The following ANK2 variants were observed in gnomAD, a reference collection of about 807,000 sequenced individuals.
The protein encoded by ANK2 is ankyrin-2.
In ANK2, 83 loss-of-function variants were observed where a neutral mutation model predicts 360.5. The observed-to-expected ratio is 0.23, with a 90% CI of 0.19 to 0.28. The LOEUF (loss-of-function observed/expected upper bound fraction) is 0.28, where lower values mean the gene tolerates loss of function less well. Ranked by LOEUF, ANK2 falls within the 10% of genes least tolerant of loss-of-function variation. The pLI, the probability that ANK2 is intolerant of heterozygous loss-of-function variation, is 1.00. For missense variants in ANK2, 4,201 were observed against 4,795.7 expected, an observed-to-expected ratio of 0.88 and a Z score of 3.66; for synonymous variants, 1,740 against 1,759.5, an observed-to-expected ratio of 0.99 and a Z score of 0.28.
intron 1 of ANK2, among the ~76,000 whole-genome samples, chr4:113,068,508 C>T (rs1233641414): frequency 1.3e-5 from 2 of 152,016 alleles, no homozygotes; most frequent in Non-Finnish European, 2.9e-5. Flanking sequence ...ATACCTAACA[C>T]CATTTGAATA....
At chr4:112,715,442 T>C in the ANK2 span, among the ~76,000 whole-genome samples, 6 of 152,074 alleles carry the variant, frequency 3.9e-5, no homozygotes, top group Non-Finnish European at 8.8e-5. Context: ...CCTTTGAAAA[T>C]ATGATCTACC....
intron 1 of ANK2, among the ~76,000 whole-genome samples, chr4:112,869,466 A>G (rs1319197304): frequency 6.6e-6 from 1 of 151,940 alleles, no homozygotes; most frequent in Non-Finnish European, 1.5e-5. Context: ...AATTTTTAGT[A>G]GAGATGGGTT....
At chr4:113,306,638 C>A (rs566566837) in intron 23 of ANK2, among the ~76,000 whole-genome samples, 2 of 152,308 alleles carry the variant, frequency 1.3e-5, no homozygotes, top group South Asian at 4.1e-4. Context: ...GTACATGTCT[C>A]ATTTAATCCT....
chr4:112,883,561 C>A (rs187751743), intron 1 of ANK2, among the ~76,000 whole-genome samples: 1 of 151,962 alleles, frequency 6.6e-6, no homozygotes, highest in African/African-American at 2.4e-5. Context: ...AAAACTGTAA[C>A]GAGATTAGAA....
intron 2 of ANK2, among the ~76,000 whole-genome samples, chr4:112,940,879 T>C (rs113155028): frequency 3.3e-5 from 5 of 152,234 alleles, no homozygotes; most frequent in African/African-American, 1.2e-4. Flanking sequence ...TCAAAGAGTA[T>C]GATTTATTTA....
At chr4:113,176,607 AT>A (rs1377489250) in intron 2 of ANK2, among the ~76,000 whole-genome samples, 2 of 151,774 alleles carry the variant, frequency 1.3e-5, no homozygotes, top group African/African-American at 2.4e-5. Flanking sequence ...TGAAATATTT[AT>A]TTATTTATTT....
intron 2 of ANK2, among the ~76,000 whole-genome samples, chr4:112,956,515 G>T (rs991400053): frequency 4.6e-5 from 7 of 152,278 alleles, no homozygotes; most frequent in African/African-American, 1.7e-4. Context: ...TCCAACAGTC[G>T]ATCTGATAAT....
At chr4:112,912,912 G>A (rs957689708) in intron 2 of ANK2, among the ~76,000 whole-genome samples, 3 of 152,060 alleles carry the variant, frequency 2.0e-5, no homozygotes, top group East Asian at 1.9e-4. Context: ...CTACATCTAG[G>A]AAGACATGAT....
chr4:112,764,029 C>T, the ANK2 span, among the ~76,000 whole-genome samples: 15 of 151,928 alleles, frequency 9.9e-5, no homozygotes, highest in African/African-American at 1.7e-4. Context: ...CTGCAACCTC[C>T]GCCTCCCTGG....
chr4:112,970,225 C>T (rs1473115645), intron 2 of ANK2, among the ~76,000 whole-genome samples: 1 of 152,030 alleles, frequency 6.6e-6, no homozygotes, highest in Non-Finnish European at 1.5e-5. Context: ...CTGCCTCGGC[C>T]TCCCAATGTG....
At chr4:112,790,490 T>C in the ANK2 span, among the ~76,000 whole-genome samples, 5 of 147,250 alleles carry the variant, frequency 3.4e-5, no homozygotes, top group African/African-American at 1.0e-4. Flanking sequence ...TTTTCTTTTT[T>C]TTTTTTTTTT....
chr4:112,769,551 A>T, the ANK2 span, among the ~76,000 whole-genome samples: 1 of 152,194 alleles, frequency 6.6e-6, no homozygotes, highest in Non-Finnish European at 1.5e-5. Flanking sequence ...AAATAGAATC[A>T]TTCCTTTCCA....
At chr4:112,706,939 A>G in the ANK2 span, 1 of 152,128 alleles carries the variant, frequency 6.6e-6, no homozygotes, top group Non-Finnish European at 1.5e-5. Flanking sequence ...TCTGGTTGTG[A>G]TCTGTGATTT....
chr4:113,361,350 A>G (rs1008597111), intron 39 of ANK2, among the ~76,000 whole-genome samples: 2 of 152,116 alleles, frequency 1.3e-5, no homozygotes, highest in African/African-American at 4.8e-5. Flanking sequence ...TGAATGAGAT[A>G]TTTCACTAAT....
At chr4:112,890,114 C>T (rs1384705989) in intron 1 of ANK2, among the ~76,000 whole-genome samples, 2 of 152,184 alleles carry the variant, frequency 1.3e-5, no homozygotes, top group Admixed American at 1.3e-4. Flanking sequence ...GGGCTTATAA[C>T]ATTCAGACCC....
chr4:113,241,671 A>G (rs2040022157), intron 8 of ANK2, among the ~76,000 whole-genome samples: 2 of 152,196 alleles, frequency 1.3e-5, no homozygotes, highest in South Asian at 4.1e-4. Context: ...TCATTTTTAT[A>G]TTGGATATTA....
chr4:112,830,428 A>G (rs1361182617), intron 1 of ANK2, among the ~76,000 whole-genome samples: 3 of 152,230 alleles, frequency 2.0e-5, no homozygotes, highest in Non-Finnish European at 4.4e-5. Flanking sequence ...GTTCTCATTT[A>G]TAGGTGGAAG....
At chr4:112,916,947 A>G (rs2090027951) in intron 2 of ANK2, among the ~76,000 whole-genome samples, 1 of 152,240 alleles carries the variant, frequency 6.6e-6, no homozygotes. Flanking sequence ...TAAAGAAAAT[A>G]TATAGGGACA....
rs368716840 is a variant in ANK2, at chr4:113,318,877, G to A, written c.2900+257G>A. The stretch of plus-strand genomic sequence containing the variant: ...CTAGTAGAATTGCGTCAAACAGCTT[G>A]CTACCTAACTGGAATATACTAGTGG... On this transcript the variant is annotated intron_variant, in intron 26 of 45. Transcript: ENST00000357077. 5.9e-5 allele frequency among the ~76,000 whole-genome samples: 9 copies of A among 152,138 alleles called. No homozygotes were observed. The East Asian group carries it at 7.7e-4, about 13-fold the overall frequency.
Sources: allele counts gnomAD v4.1 joint callset (sites outside exome capture counted in the v4.1 genomes callset), GRCh38; gene constraint gnomAD v4.1.1; transcripts MANE v1.5; gene names NCBI Gene and HGNC (gene_info 2026-07-23, HGNC 2026-07-21).